Variants in REEP1 observed in about 807,000 individuals in gnomAD.
REEP1 encodes receptor accessory protein 1.
Under a neutral mutation model 40.3 loss-of-function variants are expected in REEP1, and 22 were observed. The observed-to-expected ratio is 0.55, with a 90% CI of 0.39 to 0.78. The LOEUF (loss-of-function observed/expected upper bound fraction) is 0.78. REEP1 is among the 30% of genes least tolerant of loss of function. REEP1 has a pLI of 0.00. For synonymous variants in REEP1, 116 were observed against 139.2 expected (o/e 0.83, Z 1.17); for missense variants, 280 against 361.1 (o/e 0.78, Z 1.82).
At chr2:86,302,773 C>G (rs960491025) in intron 1 of REEP1, among the ~76,000 whole-genome samples, 2 of 152,180 alleles carry the variant, frequency 1.3e-5, no homozygotes, top group African/African-American at 4.8e-5. Context: ...TTCAAAAAGT[C>G]TTAAGGACCC....
intron 5 of REEP1, among the ~76,000 whole-genome samples, chr2:86,250,571 C>T (rs1364694904): frequency 2.0e-5 from 3 of 152,134 alleles, no homozygotes; most frequent in African/African-American, 4.8e-5. Context: ...TCACTGGGAT[C>T]CCTCATTTTG....
chr2:86,302,753 A>C (rs574035369), intron 1 of REEP1, among the ~76,000 whole-genome samples: 1 of 152,206 alleles, frequency 6.6e-6, no homozygotes, highest in Non-Finnish European at 1.5e-5. Flanking sequence ...TCAATCATAA[A>C]CTTTTTGTAT....
intron 3 of REEP1, 45 bp downstream of exon 3, chr2:86,263,920 A>G (rs773865433): frequency 2.1e-6 from 3 of 1,454,166 alleles, no homozygotes; most frequent in Non-Finnish European, 2.8e-6. Context: ...GAGTGACACT[A>G]AGCAAAATTG....
chr2:86,239,982 G>C (rs1354405207), intron 5 of REEP1: 1 of 152,444 alleles, frequency 6.6e-6, no homozygotes, highest in African/African-American at 2.4e-5. Context: ...TGCCCAACTG[G>C]ATCAGTTTGG....
intron 1 of REEP1, among the ~76,000 whole-genome samples, chr2:86,330,314 A>G (rs1379029075): frequency 2.0e-5 from 3 of 151,976 alleles, no homozygotes; most frequent in African/African-American, 7.2e-5. Context: ...ACTTGAATTC[A>G]GGTTTGGCCA....
intron 1 of REEP1, among the ~76,000 whole-genome samples, chr2:86,303,359 GGCCTGCATC>G (rs1022321134): frequency 1.1e-4 from 16 of 151,748 alleles, no homozygotes; most frequent in Non-Finnish European, 2.1e-4. Context: ...TCAGACTACA[GGCCTGCATC>G]ACCAGCCTGG....
chr2:86,251,814 TC>T, intron 5 of REEP1, 142 bp downstream of exon 5: 1 of 747,184 alleles, frequency 1.3e-6, no homozygotes, highest in Admixed American at 1.8e-5. Flanking sequence ...AGCATTTTTT[TC>T]CATCAGATTT....
chr2:86,240,760 A>G (rs1675626627), intron 5 of REEP1, among the ~76,000 whole-genome samples: 1 of 152,218 alleles, frequency 6.6e-6, no homozygotes, highest in African/African-American at 2.4e-5. Context: ...CATCCTAGAT[A>G]TGCCACGTGG....
intron 1 of REEP1, among the ~76,000 whole-genome samples, chr2:86,332,467 ACAC>A (rs1680818418): frequency 1.3e-5 from 2 of 150,420 alleles, no homozygotes; most frequent in African/African-American, 5.0e-5. Context: ...ACACACACAC[ACAC>A]ACACGTTCAC....
At chr2:86,240,902 CA>C (rs893082336) in intron 5 of REEP1, among the ~76,000 whole-genome samples, 1 of 152,234 alleles carries the variant, frequency 6.6e-6, no homozygotes, top group African/African-American at 2.4e-5. Context: ...GGAGAGACAG[CA>C]GGCAAGAACA....
intron 5 of REEP1, among the ~76,000 whole-genome samples, chr2:86,244,935 A>G (rs1675850802): frequency 6.6e-6 from 1 of 152,230 alleles, no homozygotes; most frequent in African/African-American, 2.4e-5. Context: ...ACCTGAGGTC[A>G]GGAGTTCAAG....
At chr2:86,217,529 ATT>A (rs1251117605) in intron 8 of REEP1, among the ~76,000 whole-genome samples, 1 of 152,108 alleles carries the variant, frequency 6.6e-6, no homozygotes, top group Non-Finnish European at 1.5e-5. Flanking sequence ...CCATCATCAA[ATT>A]TCCAGTCCCC....
At chr2:86,319,102 C>G (rs551886060) in intron 1 of REEP1, among the ~76,000 whole-genome samples, 1 of 152,324 alleles carries the variant, frequency 6.6e-6, no homozygotes, top group South Asian at 2.1e-4. Context: ...CAGAGTGTCA[C>G]GCACAGGAGA....
At chr2:86,290,235 A>T (rs960361986) in intron 1 of REEP1, among the ~76,000 whole-genome samples, 3 of 152,030 alleles carry the variant, frequency 2.0e-5, no homozygotes, top group African/African-American at 7.3e-5. Flanking sequence ...TGAAAAAGGG[A>T]AGTTTACAGG....
Position 86,246,708 on chromosome 2 carries a change from C to CTT in REEP1, c.417+5247_417+5248dup, listed in dbSNP as rs5832675. Among the ~76,000 whole-genome samples, 150 of 139,668 alleles carry CTT rather than the reference C, an allele frequency of 1.1e-3. 2 individuals are homozygous for CTT. The highest frequency in any genetic ancestry group is 1.8e-3 in the South Asian group (8 of 4,386). 91.6% of individuals were successfully genotyped at this position (139,668 alleles called of 152,430 possible). The stretch of plus-strand genomic sequence containing the variant: ...CTCTCTTTCTTTTTTTTTCTTTTTT[C>CTT]TTTTTTTTTTTTGACAGAGTTTCAC... On this transcript the variant is annotated intron_variant, in intron 5 of 8. Transcript: ENST00000538924.
chr2:86,215,582 T>C lies in REEP1; in HGVS notation c.*1457A>G, dbSNP rs1674065645. ...ACTGGGTTGTGACCACTGCATGCAT[T>C]ACACTGAAAGAAACACCAACTCGAA... On this transcript the variant is annotated 3_prime_UTR_variant, in exon 9 of 9. Coordinates refer to ENST00000538924, the MANE Select transcript of REEP1 (RefSeq NM_001371279.1). 6.6e-6 allele frequency: 1 copy of C among 152,638 alleles called. No homozygotes were observed. Among genetic ancestry groups the C allele is most frequent in the African/African-American group, 2.4e-5 (1 of 41,448 alleles). 9.5% of individuals were successfully genotyped at this position (152,638 alleles called of 1,614,324 possible).
At chr2:86,245,009 G>C (rs928314690) in intron 5 of REEP1, among the ~76,000 whole-genome samples, 23 of 152,154 alleles carry the variant, frequency 1.5e-4, no homozygotes, top group Non-Finnish European at 8.8e-5. Context: ...AGCCAGGCGT[G>C]GGGGCAGGCA....
At chr2:86,243,760 T>C (rs1050252802) in intron 5 of REEP1, among the ~76,000 whole-genome samples, 1 of 152,184 alleles carries the variant, frequency 6.6e-6, no homozygotes, top group Admixed American at 6.5e-5. Context: ...ATAATCTTGG[T>C]GTTTAAAAAT....
chr2:86,305,992 CT>C (rs972552039), intron 1 of REEP1, among the ~76,000 whole-genome samples: 141 of 152,280 alleles, frequency 9.3e-4, no homozygotes, highest in African/African-American at 3.3e-3. Flanking sequence ...GGAGTAAAGT[CT>C]TATGTGGACA....
Sources: allele counts gnomAD v4.1 joint callset (sites outside exome capture counted in the v4.1 genomes callset), GRCh38; gene constraint gnomAD v4.1.1; transcripts MANE v1.5; gene names NCBI Gene and HGNC (gene_info 2026-07-23, HGNC 2026-07-21).